The following UNC5C variants were observed in gnomAD, a reference collection of about 807,000 sequenced individuals.
UNC5C encodes the protein netrin receptor UNC5C.
In UNC5C, 47 loss-of-function variants were observed where a neutral mutation model predicts 99.8. That is an observed-to-expected ratio of 0.47 (90% confidence interval 0.37 to 0.60). The LOEUF (loss-of-function observed/expected upper bound fraction) is 0.60, where lower values mean the gene tolerates loss of function less well. Ranked by LOEUF, UNC5C falls within the 20% of genes least tolerant of loss-of-function variation. The pLI is 0.00. For missense variants in UNC5C, 1,062 were observed against 1,165.9 expected (o/e 0.91, Z 1.30); for synonymous variants, 487 against 452.2 (o/e 1.08, Z -0.98).
At chr4:95,327,729 C>A (rs758945772) in intron 2 of UNC5C, among the ~76,000 whole-genome samples, 1 of 152,086 alleles carries the variant, frequency 6.6e-6, no homozygotes, top group African/African-American at 2.4e-5. Context: ...AGGAGCCTGG[C>A]CGCAGATGGC....
At chr4:95,189,999 C>T (rs1029339126) in intron 12 of UNC5C, among the ~76,000 whole-genome samples, 1 of 152,000 alleles carries the variant, frequency 6.6e-6, no homozygotes. Context: ...GGGTATATAC[C>T]CAAAGGACTA....
At chr4:95,260,877 G>A (rs1361444088) in intron 4 of UNC5C, among the ~76,000 whole-genome samples, 2 of 152,168 alleles carry the variant, frequency 1.3e-5, no homozygotes, top group African/African-American at 4.8e-5. Flanking sequence ...TGCATTCCAG[G>A]TCCCCAGCGA....
intron 1 of UNC5C, among the ~76,000 whole-genome samples, chr4:95,337,613 A>G (rs1743399411): frequency 6.6e-6 from 1 of 151,958 alleles, no homozygotes; most frequent in Admixed American, 6.6e-5. Context: ...ATTTAACAAT[A>G]TATTTAGAAA....
intron 1 of UNC5C, among the ~76,000 whole-genome samples, chr4:95,466,678 C>T (rs1024945537): frequency 4.0e-5 from 6 of 150,364 alleles, no homozygotes; most frequent in African/African-American, 1.5e-4. Flanking sequence ...AGGGTGAATA[C>T]GAGAAAAAAA....
chr4:95,520,395 G>A (rs1031915571), intron 1 of UNC5C, among the ~76,000 whole-genome samples: 1 of 152,016 alleles, frequency 6.6e-6, no homozygotes, highest in Non-Finnish European at 1.5e-5. Context: ...GGTTATATTA[G>A]TTGGTGTGAC....
Position 95,219,197 on chromosome 4 carries a change from G to A in UNC5C, c.1417C>T (p.Pro473Ser), listed in dbSNP as rs537865725. 1 of 1,614,158 alleles carries A rather than the reference G, an allele frequency of 6.2e-7. No individual in the cohort carries two copies. The highest frequency in any genetic ancestry group is 1.7e-5 in the Admixed American group (1 of 60,020). ...ACTTTGATTTTCAGGTTGGGCAGTG[G>A]ATCCAGAATTGGAGAGTTGGTCATT... ...IPMTNSPILD[P>S]LPNLKIKVYN... The change falls in exon 9 of 16, where the codon CCA becomes TCA. Residue 473 changes from proline to serine, a missense_variant. This residue lies in a region of UNC5C where 810 missense variants were observed against 854.5 expected (regional missense o/e 0.95). Transcript: ENST00000453304.
Position 95,163,799 on chromosome 4 carries a change from A to C in UNC5C, c.*5435T>G, listed in dbSNP as rs1295520971. ...CCACAACTGTCACGACATTCTGCAGAGATTCCCAACCTGGGATTCCAGAAG... is the reference window on the plus strand; with the variant it reads ...CCACAACTGTCACGACATTCTGCAGCGATTCCCAACCTGGGATTCCAGAAG... On this transcript the variant is annotated 3_prime_UTR_variant, in exon 16 of 16. Coordinates refer to ENST00000453304, the MANE Select transcript of UNC5C (RefSeq NM_003728.4). The C allele has an allele frequency of 1.3e-5, 2 of 152,196 alleles. No individual in the cohort carries two copies. The highest frequency in any genetic ancestry group is 4.8e-5 in the African/African-American group (2 of 41,450). The allele number at this position is 152,196 out of a possible 1,614,324, so 9.4% of individuals were successfully genotyped here. A position where few individuals can be genotyped will look rare whatever the true frequency, so the allele number is the denominator to read the frequency against.
chr4:95,198,043 C>G (rs542376682), intron 12 of UNC5C, among the ~76,000 whole-genome samples: 1 of 146,192 alleles, frequency 6.8e-6, no homozygotes, highest in East Asian at 2.0e-4. Context: ...GCTGGAGTGC[C>G]GTGGTGCGAT....
chr4:95,267,567 C>A (rs1448066495), intron 4 of UNC5C, among the ~76,000 whole-genome samples: 3 of 152,096 alleles, frequency 2.0e-5, no homozygotes. Context: ...GAGCCATAGT[C>A]GGCAGAAGGT....
intron 4 of UNC5C, among the ~76,000 whole-genome samples, chr4:95,257,070 A>C (rs963954346): frequency 6.6e-6 from 1 of 152,216 alleles, no homozygotes; most frequent in African/African-American, 2.4e-5. Flanking sequence ...CCTCACAGAC[A>C]CACCCAGGAT....
intron 1 of UNC5C, among the ~76,000 whole-genome samples, chr4:95,469,689 T>C (rs1747907176): frequency 6.6e-6 from 1 of 152,144 alleles, no homozygotes. Flanking sequence ...CTATTCCTTG[T>C]AATGTCATGA....
chr4:95,264,594 C>A lies in UNC5C; in HGVS notation c.594+13665G>T, dbSNP rs1740372513. Among the ~76,000 whole-genome samples the A allele has an allele frequency of 1.3e-5, 2 of 152,118 alleles. 1 individual carries two copies. Among genetic ancestry groups the A allele is most frequent in the South Asian group, 4.1e-4 (2 of 4,824 alleles). On this transcript the variant is annotated intron_variant, in intron 4 of 15. Coordinates refer to ENST00000453304, the MANE Select transcript of UNC5C (RefSeq NM_003728.4). ...AACAAAATTAAGCCTGACACACCCACCCTCCCCAGCTATGCTTCAGACTTC... is the reference window on the plus strand; with the variant it reads ...AACAAAATTAAGCCTGACACACCCAACCTCCCCAGCTATGCTTCAGACTTC...
chr4:95,469,077 A>G lies in UNC5C; in HGVS notation c.124+79657T>C, dbSNP rs541811008. ...TCATAACCCTGACTGCATTTGCGTG[A>G]AAAACTGGAGTTAGCCTATTCCTCC... On this transcript the variant is annotated intron_variant, in intron 1 of 15. Transcript: ENST00000453304. 2.0e-5 allele frequency among the ~76,000 whole-genome samples: 3 copies of G among 152,230 alleles called. No individual in the cohort carries two copies. In the East Asian group the frequency reaches 5.8e-4, roughly 30 times the overall value.
chr4:95,318,808 G>A (rs1373264723), intron 2 of UNC5C, among the ~76,000 whole-genome samples: 1 of 152,190 alleles, frequency 6.6e-6, no homozygotes, highest in Non-Finnish European at 1.5e-5. Context: ...TTCTGCTTTA[G>A]CAGTTTAATA....
chr4:95,512,826 T>C (rs976335409), intron 1 of UNC5C, among the ~76,000 whole-genome samples: 28 of 152,258 alleles, frequency 1.8e-4, no homozygotes, highest in African/African-American at 6.0e-4. Flanking sequence ...GTTTGTTTAA[T>C]TGATAAGAAA....
intron 2 of UNC5C, among the ~76,000 whole-genome samples, chr4:95,318,251 G>A (rs976106033): frequency 1.3e-5 from 2 of 152,064 alleles, no homozygotes; most frequent in African/African-American, 2.4e-5. Context: ...TGGAGGAGAA[G>A]GTGACGTGAA....
intron 1 of UNC5C, among the ~76,000 whole-genome samples, chr4:95,336,369 A>G (rs953615580): frequency 6.6e-5 from 10 of 151,922 alleles, no homozygotes; most frequent in African/African-American, 1.7e-4. Flanking sequence ...TAATCTTCCA[A>G]TTGGGACAGA....
At chr4:95,188,303 T>C (rs147448591) in intron 12 of UNC5C, among the ~76,000 whole-genome samples, 1 of 152,228 alleles carries the variant, frequency 6.6e-6, no homozygotes, top group East Asian at 1.9e-4. Context: ...ATCGTTGCAC[T>C]AAAGACGTTC....
At chr4:95,225,843 A>G (rs903357661) in intron 7 of UNC5C, among the ~76,000 whole-genome samples, 55 of 152,314 alleles carry the variant, frequency 3.6e-4, no homozygotes, top group African/African-American at 1.3e-3. Flanking sequence ...GCATCCCTGT[A>G]AAACTTTTTC....
Sources: gnomAD v4.1 joint callset for allele counts (sites outside exome capture counted in the v4.1 genomes callset) on GRCh38, gnomAD v4.1.1 for gene constraint, gnomAD v4.1.1 regional missense constraint, MANE v1.5 for transcripts, NCBI Gene and HGNC (gene_info 2026-07-23, HGNC 2026-07-21) for gene names.